Variants in PLXDC1 observed in about 807,000 individuals in gnomAD.
The protein encoded by PLXDC1 is plexin domain-containing protein 1.
PLXDC1 carries 39 observed loss-of-function variants against 61.3 expected under a neutral mutation model. That is an observed-to-expected ratio of 0.64 (90% CI 0.49 to 0.83). PLXDC1 has a LOEUF of 0.83. Ranked by LOEUF, PLXDC1 falls within the 40% of genes least tolerant of loss-of-function variation. The probability of loss-of-function intolerance (pLI) is 0.00; values close to 1 mark genes in which losing one functional copy is unlikely to be tolerated. For synonymous variants in PLXDC1, 212 were observed against 254.5 expected (o/e 0.83, Z 1.59); for missense variants, 596 against 666.5 (o/e 0.89, Z 1.17).
Position 39,109,365 on chromosome 17 carries a change from G to C in PLXDC1, c.282C>G (p.Ser94=), listed in dbSNP as rs1023298599. 2.0e-5 allele frequency: 32 copies of C among 1,602,320 alleles called. No individual in the cohort carries two copies. Among genetic ancestry groups the C allele is most frequent in the Non-Finnish European group, 4.3e-6 (5 of 1,175,348 alleles). Residue 94 remains serine (S), a synonymous_variant, in exon 3 of 14, where the codon TCC becomes TCG. Coordinates refer to ENST00000315392, the MANE Select transcript of PLXDC1 (RefSeq NM_020405.5). ...VVEDNHSYYV[S]RLYGPSEPHS... ...GGGGCTCGCTGGGGCCATAGAGACG[G>C]GACACATAATAGCTGTGGTTGTCCT...
intron 7 of PLXDC1, among the ~76,000 whole-genome samples, chr17:39,093,877 C>G (rs917676554): frequency 1.3e-5 from 2 of 152,150 alleles, no homozygotes; most frequent in Non-Finnish European, 2.9e-5. Flanking sequence ...CACTGTGGCT[C>G]TAAGAGGAGG....
intron 7 of PLXDC1, among the ~76,000 whole-genome samples, chr17:39,092,862 C>A (rs1910007185): frequency 6.6e-6 from 1 of 152,056 alleles, no homozygotes; most frequent in Admixed American, 6.5e-5. Flanking sequence ...GCCGTTGTTG[C>A]CAATTTCTGT....
In PLXDC1 at chr17:39,117,057, G is replaced by A. The variant is rs116542109; in HGVS notation, c.256-7666C>T. On this transcript the variant is annotated intron_variant, in intron 2 of 13. Coordinates refer to ENST00000315392, the MANE Select transcript of PLXDC1 (RefSeq NM_020405.5). The stretch of plus-strand genomic sequence containing the variant: ...GCAAAGGCCTGACATCAGGGTTGAC[G>A]GGGAATGTGGCTCAATGACCAAGAC... Among the ~76,000 whole-genome samples the A allele has an allele frequency of 3.8e-3, 585 of 152,306 alleles. 5 individuals are homozygous for A. The highest frequency in any genetic ancestry group is 0.014 in the African/African-American group (571 of 41,570).
At chr17:39,091,140 T>C (rs889028392) in intron 7 of PLXDC1, among the ~76,000 whole-genome samples, 2 of 152,232 alleles carry the variant, frequency 1.3e-5, no homozygotes, top group African/African-American at 4.8e-5. Context: ...TGTTTCTTCC[T>C]GATTACTGTT....
intron 1 of PLXDC1, among the ~76,000 whole-genome samples, chr17:39,146,164 G>A (rs1020586229): frequency 1.1e-4 from 17 of 149,802 alleles, no homozygotes; most frequent in African/African-American, 4.2e-4. Flanking sequence ...TCCACCTCTC[G>A]GGTTCAAGCA....
chr17:39,146,787 T>G (rs1054201464), intron 1 of PLXDC1, among the ~76,000 whole-genome samples: 1 of 151,314 alleles, frequency 6.6e-6, no homozygotes, highest in South Asian at 2.1e-4. Context: ...GCCCAGGAAG[T>G]TGAGGCAGCA....
chr17:39,087,521 CAG>C lies in PLXDC1; in HGVS notation c.907+84_907+85del. 3.8e-6 allele frequency: 4 copies of C among 1,050,938 alleles called. No individual in the cohort carries two copies. The South Asian group carries it at 5.2e-5, about 14-fold the overall frequency. 65.1% of individuals were successfully genotyped at this position (1,050,938 alleles called of 1,614,324 possible). ...CGAAAAGTTAGGTGGCTGCACAAAA[CAG>C]GAGTCAGTCATGGGCCTGGGACATG... On this transcript the variant is annotated intron_variant, in intron 8 of 13. Coordinates refer to ENST00000315392, the MANE Select transcript of PLXDC1 (RefSeq NM_020405.5).
At chr17:39,096,676 AG>A (rs1656519922) in intron 7 of PLXDC1, among the ~76,000 whole-genome samples, 1 of 152,262 alleles carries the variant, frequency 6.6e-6, no homozygotes, top group African/African-American at 2.4e-5. Flanking sequence ...GGGCCAGCCA[AG>A]GGGCAGGCTA....
intron 7 of PLXDC1, among the ~76,000 whole-genome samples, chr17:39,103,999 G>A (rs1209404164): frequency 6.6e-6 from 1 of 152,200 alleles, no homozygotes. Context: ...TGAAAGTGCT[G>A]TGGCGGCATC....
At chr17:39,103,201 C>T (rs1181559222) in intron 7 of PLXDC1, among the ~76,000 whole-genome samples, 9 of 145,920 alleles carry the variant, frequency 6.2e-5, no homozygotes, top group Admixed American at 1.4e-4. Context: ...GGCGACACAG[C>T]GAGACTCCGT....
chr17:39,081,626 CA>C (rs5820274), intron 9 of PLXDC1, among the ~76,000 whole-genome samples: 135,041 of 138,530 alleles, frequency 0.97, 65,804 homozygotes, highest in Middle Eastern at 0.99. Context: ...GACTCCGTCT[CA>C]AAAAAAAAAA....
intron 2 of PLXDC1, among the ~76,000 whole-genome samples, chr17:39,126,543 A>T (rs1022839739): frequency 6.6e-6 from 1 of 152,154 alleles, no homozygotes; most frequent in African/African-American, 2.4e-5. Flanking sequence ...TTTAAAAAAG[A>T]CTCATAAAAA....
chr17:39,090,940 C>T (rs1311795786), intron 7 of PLXDC1, among the ~76,000 whole-genome samples: 2 of 152,218 alleles, frequency 1.3e-5, no homozygotes, highest in Non-Finnish European at 2.9e-5. Flanking sequence ...GATGGGTCCC[C>T]CAGTTCCCCG....
chr17:39,150,286 G>T, intron 1 of PLXDC1, among the ~76,000 whole-genome samples: 1 of 151,958 alleles, frequency 6.6e-6, no homozygotes, highest in African/African-American at 2.4e-5. Flanking sequence ...TAGGGACCCA[G>T]GTCTGTCTCA....
chr17:39,109,080 A>T (rs1037850023), intron 3 of PLXDC1, 107 bp from the exon 4 acceptor site: 3 of 1,255,728 alleles, frequency 2.4e-6, no homozygotes, highest in African/African-American at 1.5e-5. Flanking sequence ...AGGCATGCCC[A>T]GGGCCACTGC....
chr17:39,140,926 C>G (rs1366449322), intron 1 of PLXDC1, among the ~76,000 whole-genome samples: 1 of 152,172 alleles, frequency 6.6e-6, no homozygotes, highest in African/African-American at 2.4e-5. Flanking sequence ...TAAATACATT[C>G]CTAATGTTGT....
At chr17:39,076,352 T>A (rs75143957) in intron 11 of PLXDC1, among the ~76,000 whole-genome samples, 5,247 of 150,508 alleles carry the variant, frequency 0.035, 82 homozygotes, top group Non-Finnish European at 0.041. Context: ...CTACAAAAAA[T>A]TTTTAAAAAT....
intron 2 of PLXDC1, among the ~76,000 whole-genome samples, chr17:39,137,069 CAA>C (rs570151979): frequency 1.1e-3 from 162 of 152,240 alleles, no homozygotes; most frequent in Non-Finnish European, 1.7e-3. Flanking sequence ...GCATGGCAAA[CAA>C]AAACAGCCAG....
At chr17:39,079,654 C>T (rs953928646) in intron 9 of PLXDC1, 3 of 429,284 alleles carry the variant, frequency 7.0e-6, no homozygotes, top group African/African-American at 6.0e-5. Flanking sequence ...AACTGGCTGA[C>T]AAGGGTCTCC....
Sources: gnomAD v4.1 joint callset for allele counts (sites outside exome capture counted in the v4.1 genomes callset) on GRCh38, gnomAD v4.1.1 for gene constraint, MANE v1.5 for transcripts, NCBI Gene and HGNC (gene_info 2026-07-23, HGNC 2026-07-21) for gene names.